The following GOLGB1 variants were observed in gnomAD, a reference collection of about 807,000 sequenced individuals.
The protein encoded by GOLGB1 is golgin subfamily B member 1.
Under a neutral mutation model 336.9 loss-of-function variants are expected in GOLGB1, and 174 were observed. The observed-to-expected ratio is 0.52, with a 90% CI of 0.46 to 0.59. The LOEUF is 0.59. Among genes scored for constraint, GOLGB1 ranks in the 20% least tolerant of loss-of-function variants. The probability of loss-of-function intolerance (pLI) is 0.00; values close to 1 mark genes in which losing one functional copy is unlikely to be tolerated. For missense variants in GOLGB1, 3,331 were observed against 3,645.3 expected, an observed-to-expected ratio of 0.91 and a Z score of 2.22; for synonymous variants, 1,208 against 1,289.2, an observed-to-expected ratio of 0.94 and a Z score of 1.35.
At chr3:121,735,459 G>C (rs72957208) in intron 1 of GOLGB1, among the ~76,000 whole-genome samples, 63 of 152,252 alleles carry the variant, frequency 4.1e-4, no homozygotes, top group Middle Eastern at 3.4e-3. Context: ...AAGACAAAAA[G>C]AACTGACATA....
At chr3:121,683,249 G>C (rs1941315829) in intron 14 of GOLGB1, among the ~76,000 whole-genome samples, 1 of 151,338 alleles carries the variant, frequency 6.6e-6, no homozygotes. Context: ...CACACTTTTT[G>C]TTACCCCAAC....
At chr3:121,671,695 G>A (rs1460714764) in intron 17 of GOLGB1, among the ~76,000 whole-genome samples, 1 of 152,030 alleles carries the variant, frequency 6.6e-6, no homozygotes, top group Non-Finnish European at 1.5e-5. Context: ...ATAGATTGTG[G>A]TAAACTATAA....
chr3:121,667,989 G>A, intron 19 of GOLGB1, 72 bp downstream of exon 19: 1 of 747,516 alleles, frequency 1.3e-6, no homozygotes, highest in Non-Finnish European at 2.3e-6. Context: ...AAGGACTCCA[G>A]TTAAATCTAG....
intron 5 of GOLGB1, 66 bp downstream of exon 5, chr3:121,726,847 A>T: frequency 8.3e-7 from 1 of 1,197,760 alleles, no homozygotes. Context: ...TGTATTTGTC[A>T]CATAATAATC....
At position 121,681,810 on chromosome 3, in the gene GOLGB1, G is replaced by A; in HGVS notation, c.8750C>T (p.Thr2917Ile). 6.2e-7 allele frequency: 1 copy of A among 1,604,144 alleles called. No homozygotes were observed. The highest frequency in any genetic ancestry group is 8.5e-7 in the Non-Finnish European group (1 of 1,171,144). Residue 2917 changes from threonine to isoleucine, a missense_variant, in exon 15 of 22, where the codon ACT becomes ATT. By Grantham distance (89) the Thr-to-Ile change is moderately conservative. Transcript: ENST00000614479. ...TTGAGCCTTCAGTGGATGTAACTCAGTGATCTCTTGATTAATCTGTAAGTA... is the reference window on the plus strand; with the variant it reads ...TTGAGCCTTCAGTGGATGTAACTCAATGATCTCTTGATTAATCTGTAAGTA... ...QQYLQINQEI[T>I]ELHPLKAQLQ...
Position 121,694,286 on chromosome 3 carries a change from T to C in GOLGB1, c.6237A>G (p.Gln2079=). Residue 2079 remains glutamine (Q), a synonymous_variant, in exon 13 of 22, where the codon CAA becomes CAG. Coordinates refer to ENST00000614479, the MANE Select transcript of GOLGB1 (RefSeq NM_001366282.2). ...AQAVEHRKKA[Q]AELASFKVLL... is the part of the protein sequence containing the mutation. ...GGACTTTGAAGCTAGCTAATTCTGC[T>C]TGTGCCTTTTTGCGGTGTTCAACTG... 6.2e-7 allele frequency: 1 copy of C among 1,610,500 alleles called. No individual in the cohort carries two copies. The highest frequency in any genetic ancestry group is 1.1e-5 in the South Asian group (1 of 91,004).
At chr3:121,718,250 C>G in intron 8 of GOLGB1, 138 bp downstream of exon 8, 1 of 612,996 alleles carries the variant, frequency 1.6e-6, no homozygotes, top group Non-Finnish European at 2.9e-6. Context: ...CACTTAAGTA[C>G]GAGGTATTTG....
Position 121,692,035 on chromosome 3 carries a change from G to C in GOLGB1, c.7329C>G (p.Thr2443=), listed in dbSNP as rs1942477908. 6.2e-7 allele frequency: 1 copy of C among 1,612,646 alleles called. No homozygotes were observed. ...TTTTCAGTGTTTCCATAAGCTGATT[G>C]GTTTTATCAACAGCCTTTTTGTTCT... ...EEENKKAVDK[T]NQLMETLKTI... is the part of the protein sequence containing the mutation. Residue 2443 remains threonine (T), a synonymous_variant, in exon 14 of 22, where the codon ACC becomes ACG. Coordinates refer to ENST00000614479, the MANE Select transcript of GOLGB1 (RefSeq NM_001366282.2).
intron 17 of GOLGB1, among the ~76,000 whole-genome samples, chr3:121,672,538 T>C (rs768782819): frequency 2.0e-5 from 3 of 152,246 alleles, no homozygotes; most frequent in Admixed American, 6.5e-5. Flanking sequence ...TAATCCCTTG[T>C]TAGATGGGTA....
In GOLGB1 at chr3:121,718,652, C is replaced by G. The variant is rs79792659; in HGVS notation, c.772-151G>C. 2,339 of 610,620 alleles carry G rather than the reference C, an allele frequency of 3.8e-3. 65 individuals are homozygous for G. The East Asian group carries it at 0.051, about 13-fold the overall frequency. The allele number at this position is 610,620 out of a possible 1,614,324, so 37.8% of individuals were successfully genotyped here. A position where few individuals can be genotyped will look rare whatever the true frequency, so the allele number is the denominator to read the frequency against. Reference sequence around the variant, plus strand: ...TGGGAGACCAGCATGCCATGCTCCCCCCATCCAGCAGCAACGAAGAGTCTC... The same window carrying G: ...TGGGAGACCAGCATGCCATGCTCCCGCCATCCAGCAGCAACGAAGAGTCTC... On this transcript the variant is annotated intron_variant, in intron 7 of 21. Transcript: ENST00000614479.
Position 121,691,014 on chromosome 3 carries a change from T to C in GOLGB1, c.8350A>G (p.Arg2784Gly), listed in dbSNP as rs1041846011. 14 of 1,613,778 alleles carry C rather than the reference T, an allele frequency of 8.7e-6. No individual in the cohort carries two copies. The African/African-American group carries it at 1.6e-4, about 18-fold the overall frequency. ...TCAGAAAGAAGAGCATCTCTCTCTC[T>C]GTTTAAGAGTCCCTGTTCTTTCAAC... ...AQLKEQGLLN[R>G]ERDALLSETA... The change falls in exon 14 of 22, where the codon AGA (arginine) becomes GGA (glycine). Residue 2784 changes from arginine (R) to glycine (G), a missense_variant. Physicochemically the swap from Arg to Gly is moderately radical, Grantham distance 125. Transcript: ENST00000614479.
In GOLGB1 at chr3:121,663,657, C is replaced by T. The variant is rs142008531; in HGVS notation, c.*823G>A. 5.1e-4 allele frequency: 77 copies of T among 152,168 alleles called. No homozygotes were observed. The highest frequency in any genetic ancestry group is 1.8e-3 in the African/African-American group (74 of 41,484). The allele number at this position is 152,168 out of a possible 1,614,324, so 9.4% of individuals were successfully genotyped here. ...TGCCTAATATTGGCTCCCAGTGGCC[C>T]CTGAGCACTGTCTCAGGGTCCACAT... On this transcript the variant is annotated 3_prime_UTR_variant, in exon 22 of 22. Transcript: ENST00000614479.
Position 121,694,460 on chromosome 3 carries a change from T to C in GOLGB1, c.6063A>G (p.Glu2021=), listed in dbSNP as rs756543287. The C allele has an allele frequency of 8.7e-6, 14 of 1,612,468 alleles. No individual in the cohort carries two copies. The South Asian group carries it at 1.5e-4, about 18-fold the overall frequency. ...HAKELQELLK[E]KQQEVKQLQK... is the part of the protein sequence containing the mutation. Reference sequence around the variant, plus strand: ...GTAGCTGCTTTACTTCTTGTTGTTTTTCTTTTAACAGTTCCTGAAGTTCCT... The same window carrying C: ...GTAGCTGCTTTACTTCTTGTTGTTTCTCTTTTAACAGTTCCTGAAGTTCCT... Residue 2021 remains glutamate (E), a synonymous_variant, in exon 13 of 22, where the codon GAA becomes GAG. Transcript: ENST00000614479.
chr3:121,692,079 TCTC>T lies in GOLGB1; in HGVS notation c.7282_7284del (p.Glu2428del), dbSNP rs1319519104. 2.5e-6 allele frequency: 4 copies of T among 1,613,572 alleles called. No homozygotes were observed. The highest frequency in any genetic ancestry group is 1.6e-4 in the Middle Eastern group (1 of 6,082). ...TTGTTCTCCTCTTCTAAAACAATAT[TCTC>T]CTCTTCCTCCTGGGACAGCAGGTTT... On this transcript the variant is annotated inframe_deletion, in exon 14 of 22. Coordinates refer to ENST00000614479, the MANE Select transcript of GOLGB1 (RefSeq NM_001366282.2).
At chr3:121,683,903 G>A (rs754703694) in intron 14 of GOLGB1, among the ~76,000 whole-genome samples, 1 of 152,000 alleles carries the variant, frequency 6.6e-6, no homozygotes, top group African/African-American at 2.4e-5. Context: ...GCCGAGGTGG[G>A]CAGATCACGA....
Position 121,695,537 on chromosome 3 carries a change from C to A in GOLGB1, c.4986G>T (p.Lys1662Asn). The A allele has an allele frequency of 6.2e-7, 1 of 1,614,076 alleles. No homozygotes were observed. Among genetic ancestry groups the A allele is most frequent in the Non-Finnish European group, 8.5e-7 (1 of 1,179,996 alleles). ...CCTGCAACTGCTTTTCTGTCTCCTT[C>A]TTGTTTGCCTCTGTGCTTCTTAACT... ...YGKLRSTEAN[K>N]KETEKQLQEA... Residue 1662 changes from lysine to asparagine, a missense_variant, in exon 13 of 22, where the codon AAG becomes AAT. Coordinates refer to ENST00000614479, the MANE Select transcript of GOLGB1 (RefSeq NM_001366282.2).
rs775898177 is a variant in GOLGB1 at position 121,696,104 on chromosome 3, T to C, written c.4419A>G (p.Pro1473=). 6.2e-7 allele frequency: 1 copy of C among 1,614,090 alleles called. No individual in the cohort carries two copies. The highest frequency in any genetic ancestry group is 8.5e-7 in the Non-Finnish European group (1 of 1,179,978). ...QVELCEMKQK[P]EEIGEESRAK... ...CTCTACTTTCTTCTCCAATCTCTTC[T>C]GGTTTTTGCTTCATTTCACAAAGTT... Residue 1473 remains proline, a synonymous_variant, in exon 13 of 22, where the codon CCA becomes CCG. Coordinates refer to ENST00000614479, the MANE Select transcript of GOLGB1 (RefSeq NM_001366282.2).
Position 121,664,953 on chromosome 3 carries a change from T to C in GOLGB1, c.9633A>G (p.Ile3211Met). The change falls in exon 21 of 22, where the codon ATA becomes ATG. Residue 3211 changes from isoleucine to methionine, a missense_variant. Transcript: ENST00000614479. ...TTCGACAACTGTTGCTTGTAAGATC[T>C]ATTAACAGTGCCTGCTCCTGAGTGC... ...SCGTQEQALL[I>M]DLTSNSCRRT... The C allele has an allele frequency of 6.2e-7, 1 of 1,604,138 alleles. No homozygotes were observed. The highest frequency in any genetic ancestry group is 8.5e-7 in the Non-Finnish European group (1 of 1,170,902).
In GOLGB1 at chr3:121,698,475, A is replaced by G; in HGVS notation, c.2048T>C (p.Ile683Thr). 6.2e-7 allele frequency: 1 copy of G among 1,613,766 alleles called. No homozygotes were observed. Among genetic ancestry groups the G allele is most frequent in the Non-Finnish European group, 8.5e-7 (1 of 1,179,786 alleles). ...CAACTCATCCTGATGACACTGACCA[A>G]TATCTGGTACAGCAGAAAGGGATTT... ...GDKSLSAVPD[I>T]GQCHQDELER... is the part of the protein sequence containing the mutation. The change falls in exon 13 of 22, where the codon ATT becomes ACT. Residue 683 changes from isoleucine (I) to threonine (T), a missense_variant. By Grantham distance (89) the Ile-to-Thr change is moderately conservative. Coordinates refer to ENST00000614479, the MANE Select transcript of GOLGB1 (RefSeq NM_001366282.2).
Sources: allele counts gnomAD v4.1 joint callset (sites outside exome capture counted in the v4.1 genomes callset), GRCh38; gene constraint gnomAD v4.1.1; transcripts MANE v1.5; gene names NCBI Gene and HGNC (gene_info 2026-07-23, HGNC 2026-07-21).